ECT2L: variants seen among roughly 807,000 people sequenced by gnomAD.
The protein encoded by ECT2L is epithelial cell-transforming sequence 2 oncogene-like.
Under a neutral mutation model 122.8 loss-of-function variants are expected in ECT2L, and 126 were observed. The observed-to-expected ratio is 1.03, with a 90% CI of 0.89 to 1.19. The LOEUF is 1.19. Among genes scored for constraint, ECT2L ranks in the 50% most tolerant of loss-of-function variants. ECT2L has a pLI of 0.00. For synonymous variants in ECT2L, 385 were observed against 381.8 expected (o/e 1.01, Z -0.10); for missense variants, 1,012 against 1,064.1 (o/e 0.95, Z 0.68).
At chr6:138,811,890 T>C (rs1032525057) in intron 1 of ECT2L, among the ~76,000 whole-genome samples, 1 of 152,118 alleles carries the variant, frequency 6.6e-6, no homozygotes, top group East Asian at 1.9e-4. Context: ...GGTTTCATCA[T>C]GTTGGCCAGG....
At chr6:138,877,023 CG>C (rs1413378813) in intron 14 of ECT2L, among the ~76,000 whole-genome samples, 2 of 152,198 alleles carry the variant, frequency 1.3e-5, no homozygotes, top group African/African-American at 4.8e-5. Context: ...GTGTAACCCA[CG>C]GCATGGGCAC....
At chr6:138,836,177 T>G (rs12207788) in intron 4 of ECT2L, among the ~76,000 whole-genome samples, 30,314 of 152,122 alleles carry the variant, frequency 0.2, 3,816 homozygotes, top group Middle Eastern at 0.29. Context: ...TAATTTATAT[T>G]TAATAAGCAA....
At chr6:138,844,315 C>T (rs1777143395) in intron 6 of ECT2L, 97 bp from the exon 7 acceptor site, 1 of 1,399,498 alleles carries the variant, frequency 7.1e-7, no homozygotes, top group Non-Finnish European at 9.7e-7. Context: ...TGGAACCTTG[C>T]CCTGGTACAG....
intron 16 of ECT2L, among the ~76,000 whole-genome samples, chr6:138,884,647 A>G (rs1778750479): frequency 6.6e-6 from 1 of 152,144 alleles, no homozygotes. Flanking sequence ...CAAAAAAACA[A>G]AAAACAAAAA....
intron 10 of ECT2L, among the ~76,000 whole-genome samples, chr6:138,854,588 T>G (rs1777554510): frequency 6.6e-6 from 1 of 152,156 alleles, no homozygotes; most frequent in Non-Finnish European, 1.5e-5. Flanking sequence ...TTTGTGGCAT[T>G]AGGCAAACTT....
chr6:138,866,876 C>A (rs1778059374), intron 12 of ECT2L, among the ~76,000 whole-genome samples: 1 of 151,910 alleles, frequency 6.6e-6, no homozygotes, highest in Non-Finnish European at 1.5e-5. Context: ...AGTTTGAGAC[C>A]AGCCTGGGCA....
In ECT2L at chr6:138,814,481, C is replaced by T; in HGVS notation, c.67-10C>T. On this transcript the variant is annotated splice_polypyrimidine_tract_variant and intron_variant, in intron 3 of 21. Transcript: ENST00000541398. Reference sequence around the variant, plus strand: ...ACAGCAAATGTCACTTCCTCCCCTCCCCCTTATAGCTCTTTCAGGAAAGAG... The same window carrying T: ...ACAGCAAATGTCACTTCCTCCCCTCTCCCTTATAGCTCTTTCAGGAAAGAG... 6.4e-7 allele frequency: 1 copy of T among 1,562,314 alleles called. No homozygotes were observed. Among genetic ancestry groups the T allele is most frequent in the Admixed American group, 1.7e-5 (1 of 58,782 alleles).
In ECT2L at chr6:138,840,548, A is replaced by G. The variant is rs75173819; in HGVS notation, c.342+2034A>G. On this transcript the variant is annotated intron_variant, in intron 5 of 21. Transcript: ENST00000541398. ...TCTATTTCATCTTCATACTTAGAGG[A>G]TTATTTCAATACGAAATTTAAATTC... Among the ~76,000 whole-genome samples the G allele has an allele frequency of 9.9e-3, 1,508 of 152,044 alleles. 31 individuals are homozygous for G. The highest frequency in any genetic ancestry group is 0.034 in the African/African-American group (1,408 of 41,492).
At chr6:138,852,343 T>C (rs1002206143) in intron 9 of ECT2L, among the ~76,000 whole-genome samples, 6 of 151,838 alleles carry the variant, frequency 4.0e-5, no homozygotes, top group East Asian at 1.9e-4. Flanking sequence ...TTTTTTTTTT[T>C]CCGGGAGAAA....
At chr6:138,850,375 C>A (rs1777395180) in intron 9 of ECT2L, among the ~76,000 whole-genome samples, 1 of 152,044 alleles carries the variant, frequency 6.6e-6, no homozygotes, top group Non-Finnish European at 1.5e-5. Context: ...GCACTCATGA[C>A]CTCCAGTGAT....
intron 20 of ECT2L, among the ~76,000 whole-genome samples, chr6:138,899,599 G>A (rs1219559619): frequency 2.0e-5 from 3 of 152,118 alleles, no homozygotes; most frequent in Non-Finnish European, 4.4e-5. Flanking sequence ...CAATAGCAGG[G>A]ATTGATGTCA....
intron 10 of ECT2L, among the ~76,000 whole-genome samples, chr6:138,854,897 T>C (rs569218096): frequency 6.6e-6 from 1 of 152,160 alleles, no homozygotes; most frequent in Non-Finnish European, 1.5e-5. Context: ...ATCTGTTCAA[T>C]AAAAGCTCTG....
intron 14 of ECT2L, among the ~76,000 whole-genome samples, chr6:138,878,203 C>G (rs181529519): frequency 6.6e-6 from 1 of 151,658 alleles, no homozygotes; most frequent in East Asian, 1.9e-4. Flanking sequence ...GAGGTATGTA[C>G]GAAAACGTTA....
intron 1 of ECT2L, among the ~76,000 whole-genome samples, chr6:138,807,335 A>C (rs941336977): frequency 1.3e-5 from 2 of 152,160 alleles, no homozygotes; most frequent in Non-Finnish European, 2.9e-5. Flanking sequence ...GTTAATTCAT[A>C]TCTCTCACCT....
chr6:138,812,363 T>C (rs1246863927), intron 1 of ECT2L, among the ~76,000 whole-genome samples: 1 of 152,178 alleles, frequency 6.6e-6, no homozygotes, highest in Admixed American at 6.5e-5. Context: ...TTGAAATAAG[T>C]GTTTGTTGTT....
chr6:138,836,477 C>T (rs1583573059), intron 4 of ECT2L, among the ~76,000 whole-genome samples: 1 of 151,840 alleles, frequency 6.6e-6, no homozygotes, highest in African/African-American at 2.4e-5. Flanking sequence ...TTAGTAGAGA[C>T]AGGTTTCACC....
At chr6:138,878,304 T>TACAC (rs772701195) in intron 14 of ECT2L, among the ~76,000 whole-genome samples, 6 of 103,394 alleles carry the variant, frequency 5.8e-5, no homozygotes, top group African/African-American at 2.4e-4. Context: ...TACATATATA[T>TACAC]ATACACACAC....
chr6:138,796,123 C>A lies in ECT2L; in HGVS notation c.-313C>A, dbSNP rs931715767. 6.5e-6 allele frequency: 1 copy of A among 152,848 alleles called. No homozygotes were observed. The highest frequency in any genetic ancestry group is 6.5e-5 in the Admixed American group (1 of 15,310). The allele number at this position is 152,848 out of a possible 1,614,324, so 9.5% of individuals were successfully genotyped here. A position where few individuals can be genotyped will look rare whatever the true frequency, so the allele number is the denominator to read the frequency against. ...GAGCTGCGGCCCGAGTTGGCGCACTCGATTTTCACTGCGCGGTTCCAAGAG... is the reference window on the plus strand; with the variant it reads ...GAGCTGCGGCCCGAGTTGGCGCACTAGATTTTCACTGCGCGGTTCCAAGAG... On this transcript the variant is annotated 5_prime_UTR_variant, in exon 1 of 22. Transcript: ENST00000541398.
chr6:138,891,890 T>C (rs893318352), intron 20 of ECT2L, among the ~76,000 whole-genome samples: 4 of 152,198 alleles, frequency 2.6e-5, no homozygotes, highest in Non-Finnish European at 5.9e-5. Flanking sequence ...ACTTTCTCTT[T>C]TATTTTCTAC....
Sources: gnomAD v4.1 joint callset for allele counts (sites outside exome capture counted in the v4.1 genomes callset) on GRCh38, gnomAD v4.1.1 for gene constraint, MANE v1.5 for transcripts, NCBI Gene and HGNC (gene_info 2026-07-23, HGNC 2026-07-21) for gene names.